Variants in CYP4V2 observed in about 807,000 individuals in gnomAD.
CYP4V2 encodes cytochrome P450 4V2.
Under a neutral mutation model 60.8 loss-of-function variants are expected in CYP4V2, and 55 were observed. That is an observed-to-expected ratio of 0.90 (90% confidence interval 0.73 to 1.13). The LOEUF is 1.13. Among genes scored for constraint, CYP4V2 ranks in the 50% most tolerant of loss-of-function variants. The pLI is 0.00. For synonymous variants in CYP4V2, 239 were observed against 236.8 expected (o/e 1.01, Z -0.08); for missense variants, 675 against 662.9 (o/e 1.02, Z -0.20).
intron 5 of CYP4V2, among the ~76,000 whole-genome samples, chr4:186,197,804 A>G (rs987676251): frequency 3.9e-5 from 6 of 152,218 alleles, no homozygotes; most frequent in Non-Finnish European, 8.8e-5. Flanking sequence ...GTAATTTAAA[A>G]TGATTATTCT....
At chr4:186,199,104 A>G in intron 6 of CYP4V2, 21 bp downstream of exon 6, 6 of 1,609,856 alleles carry the variant, frequency 3.7e-6, no homozygotes, top group Non-Finnish European at 5.1e-6. Context: ...GACTTTTACA[A>G]TTGTGGTAAA....
chr4:186,209,470 G>A (rs1340099759), intron 10 of CYP4V2, among the ~76,000 whole-genome samples, 198 bp downstream of exon 10: 1 of 152,182 alleles, frequency 6.6e-6, no homozygotes, highest in East Asian at 1.9e-4. Context: ...ATATTCGCCT[G>A]CATGGGCTTC....
chr4:186,209,684 G>T (rs1736646647), intron 10 of CYP4V2, among the ~76,000 whole-genome samples: 1 of 151,998 alleles, frequency 6.6e-6, no homozygotes, highest in Non-Finnish European at 1.5e-5. Context: ...CTTCTCTCCA[G>T]TCAGACTACA....
At chr4:186,199,551 T>C (rs6815582) in intron 6 of CYP4V2, among the ~76,000 whole-genome samples, 3,456 of 152,262 alleles carry the variant, frequency 0.023, 133 homozygotes, top group African/African-American at 0.08. Context: ...CTGTGAACAC[T>C]TATGAACAAA....
intron 6 of CYP4V2, among the ~76,000 whole-genome samples, chr4:186,200,582 C>G (rs979196793): frequency 6.6e-6 from 1 of 152,070 alleles, no homozygotes; most frequent in Non-Finnish European, 1.5e-5. Context: ...TGTTAGGAGG[C>G]GTCGCAGTGC....
intron 3 of CYP4V2, 94 bp downstream of exon 3, chr4:186,196,182 T>C (rs1736141767): frequency 2.7e-6 from 3 of 1,102,898 alleles, no homozygotes; most frequent in Non-Finnish European, 4.1e-6. Context: ...TAGCTTTTTC[T>C]GTAGCAGGAC....
chr4:186,197,286 C>A (rs1436939349), intron 4 of CYP4V2, 156 bp downstream of exon 4: 2 of 961,114 alleles, frequency 2.1e-6, no homozygotes, highest in Admixed American at 2.1e-5. Context: ...TGAGGAGCAG[C>A]AGCCACGCCC....
At chr4:186,208,384 T>A (rs1736594052) in intron 8 of CYP4V2, among the ~76,000 whole-genome samples, 1 of 151,534 alleles carries the variant, frequency 6.6e-6, no homozygotes, top group African/African-American at 2.4e-5. Context: ...GTATTTAGCA[T>A]CCAGTACCTT....
In CYP4V2 at chr4:186,201,245, G is replaced by A; in HGVS notation, c.890G>A (p.Arg297Lys). ...TCTGCCCCCTCCAAAAATAAACGCA[G>A]GGCCTTTCTTGACTTGCTTTTAAGT... ...RGSAPSKNKR[R>K]AFLDLLLSVT... Residue 297 changes from arginine (R) to lysine (K), a missense_variant, in exon 7 of 11, where the codon AGG becomes AAG. Arg to Lys is a conservative substitution (Grantham distance 26, BLOSUM62 2). Transcript: ENST00000378802. 1 of 1,614,124 alleles carries A rather than the reference G, an allele frequency of 6.2e-7. No homozygotes were observed. Among genetic ancestry groups the A allele is most frequent in the African/African-American group, 1.3e-5 (1 of 75,048 alleles).
intron 7 of CYP4V2, 71 bp from the exon 8 acceptor site, chr4:186,205,129 G>A: frequency 7.2e-7 from 1 of 1,390,456 alleles, no homozygotes; most frequent in Non-Finnish European, 1.0e-6. Flanking sequence ...CAATTCAAAA[G>A]AGGTTTCTGG....
Position 186,208,879 on chromosome 4 carries a change from C to T in CYP4V2, c.1105C>T (p.Pro369Ser), listed in dbSNP as rs779827355. The T allele has an allele frequency of 1.9e-6, 3 of 1,614,216 alleles. No homozygotes were observed. The South Asian group carries it at 3.3e-5, about 18-fold the overall frequency. ...GCTTTCATCAGGGAAGTCTGACCGT[C>T]CCGCTACAGTAGAAGACCTGAAGAA... ...LDDVFGKSDR[P>S]ATVEDLKKLR... The change falls in exon 9 of 11, where the codon CCC becomes TCC. Residue 369 changes from proline to serine, a missense_variant. Transcript: ENST00000378802.
At chr4:186,198,674 CTT>C (rs1402851403) in intron 5 of CYP4V2, among the ~76,000 whole-genome samples, 6 of 152,170 alleles carry the variant, frequency 3.9e-5, no homozygotes, top group African/African-American at 1.4e-4. Flanking sequence ...GAGTGGGAAA[CTT>C]GCCCTGGAGA....
chr4:186,197,713 A>G, intron 5 of CYP4V2, 111 bp downstream of exon 5: 1 of 1,153,374 alleles, frequency 8.7e-7, no homozygotes, highest in Admixed American at 1.9e-5. Flanking sequence ...ATTAAACATT[A>G]AACTAGAAGT....
rs772750424 is a variant in CYP4V2, at chr4:186,201,236, A to G, written c.881A>G (p.Asn294Ser). The change falls in exon 7 of 11, where the codon AAT (asparagine) becomes AGT (serine). Residue 294 changes from asparagine (N) to serine (S), a missense_variant. Coordinates refer to ENST00000378802, the MANE Select transcript of CYP4V2 (RefSeq NM_207352.4). Reference sequence around the variant, plus strand: ...GGCAGGGGCTCTGCCCCCTCCAAAAATAAACGCAGGGCCTTTCTTGACTTG... The same window carrying G: ...GGCAGGGGCTCTGCCCCCTCCAAAAGTAAACGCAGGGCCTTTCTTGACTTG... ...GDGRGSAPSK[N>S]KRRAFLDLLL... 1 of 1,614,190 alleles carries G rather than the reference A, an allele frequency of 6.2e-7. No homozygotes were observed. Among genetic ancestry groups the G allele is most frequent in the Non-Finnish European group, 8.5e-7 (1 of 1,180,034 alleles).
At chr4:186,209,032 G>A (rs1418289705) in intron 9 of CYP4V2, 33 bp downstream of exon 9, 2 of 1,614,136 alleles carry the variant, frequency 1.2e-6, no homozygotes, top group East Asian at 2.2e-5. Flanking sequence ...AGAAGGGAGA[G>A]GGAAACTTTC....
At chr4:186,193,422 CTTTTACAA>C (rs1231585797) in intron 1 of CYP4V2, among the ~76,000 whole-genome samples, 1 of 152,184 alleles carries the variant, frequency 6.6e-6, no homozygotes, top group African/African-American at 2.4e-5. Flanking sequence ...CGAATACTGT[CTTTTACAA>C]AGGGACTTTT....
At position 186,195,971 on chromosome 4, in the gene CYP4V2, A is replaced by G. The variant is rs1221711732; in HGVS notation, c.328-32A>G. The stretch of plus-strand genomic sequence containing the variant: ...TACAGGAAGGTTGTTTGATGTCTGT[A>G]TGTCTCTAAAGTATGTTTTTCTCTT... On this transcript the variant is annotated intron_variant, in intron 2 of 10. Coordinates refer to ENST00000378802, the MANE Select transcript of CYP4V2 (RefSeq NM_207352.4). The surrounding 1 kb of genome is among the most constrained non-coding windows in gnomAD (Gnocchi z 4.1). 3.3e-6 allele frequency: 5 copies of G among 1,497,680 alleles called. No individual in the cohort carries two copies. Among genetic ancestry groups the G allele is most frequent in the East Asian group, 2.3e-5 (1 of 44,276 alleles). 92.8% of individuals were successfully genotyped at this position (1,497,680 alleles called of 1,614,324 possible). A position where few individuals can be genotyped will look rare whatever the true frequency, so the allele number is the denominator to read the frequency against.
Position 186,213,409 on chromosome 4 carries a change from T to A in CYP4V2, c.*2768T>A, listed in dbSNP as rs1009594409. On this transcript the variant is annotated 3_prime_UTR_variant, in exon 11 of 11. Transcript: ENST00000378802. The stretch of plus-strand genomic sequence containing the variant: ...AACATAGAAAACTGTAAAAGATAAA[T>A]CAGGAGATGGCTGATTCATAATGGG... 6.6e-6 allele frequency: 1 copy of A among 152,202 alleles called. No individual in the cohort carries two copies. Among genetic ancestry groups the A allele is most frequent in the East Asian group, 1.9e-4 (1 of 5,202 alleles). The allele number at this position is 152,202 out of a possible 1,614,324, so 9.4% of individuals were successfully genotyped here.
At chr4:186,207,412 CA>C (rs10651706) in intron 8 of CYP4V2, among the ~76,000 whole-genome samples, 25 of 117,898 alleles carry the variant, frequency 2.1e-4, no homozygotes, top group Admixed American at 2.9e-4. Context: ...ACTCTGTCTC[CA>C]AAAAAAAAAA....
Sources: gnomAD v4.1 joint callset for allele counts (sites outside exome capture counted in the v4.1 genomes callset) on GRCh38, gnomAD v4.1.1 for gene constraint, Gnocchi (gnomAD v3.1) non-coding constraint, MANE v1.5 for transcripts, NCBI Gene and HGNC (gene_info 2026-07-23, HGNC 2026-07-21) for gene names.